The following HHLA1 variants were observed in gnomAD, a reference collection of about 807,000 sequenced individuals.
The protein encoded by HHLA1 is HERV-H LTR-associating protein 1.
HHLA1 carries 72 observed loss-of-function variants against 69.9 expected under a neutral mutation model. That is an observed-to-expected ratio of 1.03 (90% CI 0.85 to 1.25). HHLA1 has a LOEUF of 1.25. Among genes scored for constraint, HHLA1 ranks in the 50% most tolerant of loss-of-function variants. The pLI is 0.00. For missense variants in HHLA1, 685 were observed against 642.2 expected (o/e 1.07, Z -0.72); for synonymous variants, 252 against 233.2 (o/e 1.08, Z -0.73).
At chr8:132,092,194 C>T (rs1407127654) in intron 7 of HHLA1, among the ~76,000 whole-genome samples, 2 of 152,130 alleles carry the variant, frequency 1.3e-5, no homozygotes, top group Non-Finnish European at 2.9e-5. Context: ...TCGATTCTCC[C>T]ACCTTCCTTT....
chr8:132,089,243 A>T (rs766385782), intron 8 of HHLA1, among the ~76,000 whole-genome samples: 5 of 152,158 alleles, frequency 3.3e-5, no homozygotes, highest in Admixed American at 2.6e-4. Context: ...TACTCACCAG[A>T]TGTTTTCTTG....
chr8:132,075,087 T>C (rs1586725268), intron 14 of HHLA1, among the ~76,000 whole-genome samples: 1 of 152,370 alleles, frequency 6.6e-6, no homozygotes, highest in South Asian at 2.1e-4. Flanking sequence ...TGTGTTTCTT[T>C]AGAACTCCTG....
In HHLA1 at chr8:132,064,649, T is replaced by C. The variant is rs1393951845; in HGVS notation, c.1553-611A>G. 4.6e-5 allele frequency among the ~76,000 whole-genome samples: 7 copies of C among 151,854 alleles called. No homozygotes were observed. In the East Asian group the frequency reaches 1.3e-3, roughly 29 times the overall value. ...CTGTGTTTGGGAAAGAAAAAAATAATGGAGGCAGAAGGAAAGCAAAGTAAG... is the reference window on the plus strand; with the variant it reads ...CTGTGTTTGGGAAAGAAAAAAATAACGGAGGCAGAAGGAAAGCAAAGTAAG... On this transcript the variant is annotated intron_variant, in intron 16 of 16. Transcript: ENST00000414222.
Position 132,071,363 on chromosome 8 carries a change from C to T in HHLA1, c.1446G>A (p.Arg482=). 1.3e-6 allele frequency: 2 copies of T among 1,551,638 alleles called. No individual in the cohort carries two copies. Among genetic ancestry groups the T allele is most frequent in the South Asian group, 1.2e-5 (1 of 84,044 alleles). Residue 482 remains arginine (R), a synonymous_variant, in exon 15 of 17, where the codon AGG becomes AGA. Transcript: ENST00000414222. ...ACCTCATGTCCTCTGTCCTGGGACT[C>T]CTCTGGCTCATGCAGAGGCATTGCT... ...FFQQCLCMSQ[R]SPRTEDMRYC... is the part of the protein sequence containing the mutation.
chr8:132,094,419 C>A (rs1241742338), intron 7 of HHLA1, among the ~76,000 whole-genome samples: 1 of 152,188 alleles, frequency 6.6e-6, no homozygotes, highest in Admixed American at 6.5e-5. Context: ...AACACCCTCC[C>A]CACTTTGCCC....
intron 7 of HHLA1, among the ~76,000 whole-genome samples, chr8:132,092,650 T>C (rs192880478): frequency 6.6e-6 from 1 of 152,314 alleles, no homozygotes; most frequent in East Asian, 1.9e-4. Flanking sequence ...GCCATGATTG[T>C]AAGTTTCCTG....
Position 132,076,063 on chromosome 8 carries a change from T to G in HHLA1, c.1307A>C (p.Gln436Pro). Residue 436 changes from glutamine to proline, a missense_variant, in exon 14 of 17, where the codon CAA becomes CCA. Coordinates refer to ENST00000414222, the MANE Select transcript of HHLA1 (RefSeq NM_001145095.3). ...TGGGCACTGGTACTTACTTGAAACT[T>G]GATGGGGTCTTGGGACCAGGACTGG... Reference protein sequence around the residue: ...EEPVLVPRPHQVSRCPQPLFK... With the variant: ...EEPVLVPRPHPVSRCPQPLFK... 6.4e-7 allele frequency: 1 copy of G among 1,551,034 alleles called. No individual in the cohort carries two copies. The highest frequency in any genetic ancestry group is 1.2e-5 in the South Asian group (1 of 84,036).
chr8:132,077,610 G>T, intron 12 of HHLA1, 116 bp downstream of exon 12: 1 of 1,029,902 alleles, frequency 9.7e-7, no homozygotes, highest in Non-Finnish European at 1.4e-6. Flanking sequence ...TGATCATTAT[G>T]TTTTCTTAGT....
At chr8:132,108,947 TA>T (rs1824250870) in intron 1 of HHLA1, among the ~76,000 whole-genome samples, 1 of 152,214 alleles carries the variant, frequency 6.6e-6, no homozygotes, top group Admixed American at 6.5e-5. Context: ...TCGGTCACCT[TA>T]TTGTTAAAGT....
intron 10 of HHLA1, among the ~76,000 whole-genome samples, chr8:132,083,262 A>G (rs1268675843): frequency 2.0e-5 from 3 of 152,126 alleles, no homozygotes; most frequent in Admixed American, 1.3e-4. Flanking sequence ...TTAAAAGAGT[A>G]TTGTCTAAGT....
intron 15 of HHLA1, among the ~76,000 whole-genome samples, chr8:132,066,317 T>C (rs947387039): frequency 1.3e-5 from 2 of 152,352 alleles, no homozygotes; most frequent in South Asian, 2.1e-4. Flanking sequence ...AAGGATAAGA[T>C]AACATATGTA....
At chr8:132,094,742 C>G (rs941026192) in intron 7 of HHLA1, among the ~76,000 whole-genome samples, 13 of 152,164 alleles carry the variant, frequency 8.5e-5, no homozygotes, top group Admixed American at 7.2e-4. Flanking sequence ...CATTTATTTA[C>G]TCCCTGCTCC....
chr8:132,076,541 C>G lies in HHLA1; in HGVS notation c.1174G>C (p.Ala392Pro), dbSNP rs1482179968. ...GGAGTCTGTGTGCCATGGGTGAATG[C>G]TCCTGGGAGGAGATGAGAGAGAGGT... ...SPSQASPTLG[A>P]FTHGTQTPSP... Residue 392 changes from alanine (A) to proline (P), a missense_variant and splice_region_variant, in exon 13 of 17, where the codon GCA (alanine) becomes CCA (proline). Ala to Pro is a conservative substitution (Grantham distance 27, BLOSUM62 -1). Transcript: ENST00000414222. The G allele has an allele frequency of 2.6e-6, 4 of 1,525,294 alleles. No homozygotes were observed. Among genetic ancestry groups the G allele is most frequent in the Non-Finnish European group, 3.5e-6 (4 of 1,135,960 alleles). The allele number at this position is 1,525,294 out of a possible 1,614,324, so 94.5% of individuals were successfully genotyped here.
At chr8:132,108,011 G>A (rs1030803304) in intron 1 of HHLA1, among the ~76,000 whole-genome samples, 4 of 152,122 alleles carry the variant, frequency 2.6e-5, no homozygotes, top group Admixed American at 6.5e-5. Flanking sequence ...TCTTGAGTTG[G>A]CCATTGTGAT....
chr8:132,079,927 G>A lies in HHLA1; in HGVS notation c.716C>T (p.Thr239Ile), dbSNP rs1198599534. The change falls in exon 11 of 17, where the codon ACA becomes ATA. Residue 239 changes from threonine (T) to isoleucine (I), a missense_variant. Transcript: ENST00000414222. Reference protein sequence around the residue: ...TRGTARTSKPTTKSQKTLPST... With the variant: ...TRGTARTSKPITKSQKTLPST... ...TGGTAGTGTTTTCTGGCTTTTGGTT[G>A]TGGGCTTTGAAGTCCTGGCAGTTCC... 1.9e-6 allele frequency: 3 copies of A among 1,552,216 alleles called. No homozygotes were observed. The highest frequency in any genetic ancestry group is 2.6e-6 in the Non-Finnish European group (3 of 1,147,140).
intron 3 of HHLA1, among the ~76,000 whole-genome samples, chr8:132,103,905 C>T (rs1357336931): frequency 6.6e-6 from 1 of 152,208 alleles, no homozygotes; most frequent in Non-Finnish European, 1.5e-5. Flanking sequence ...TGGAATGTTA[C>T]AGTCTTTGTG....
At chr8:132,070,183 G>A (rs1823509891) in intron 15 of HHLA1, 3 of 603,182 alleles carry the variant, frequency 5.0e-6, no homozygotes, top group Non-Finnish European at 8.9e-6. Context: ...GGCCACTGGA[G>A]CAGGAGTATT....
chr8:132,098,889 C>A lies in HHLA1; in HGVS notation c.273G>T (p.Ala91=). ...TELVNGMLSR[A]LKDSKKFFSL... ...CTTTTAAAATATGATTACCTTTTAA[C>A]GCTCTACTGAGCATCCCATTCACAA... Residue 91 remains alanine, a synonymous_variant, in exon 5 of 17, where the codon GCG becomes GCT. Coordinates refer to ENST00000414222, the MANE Select transcript of HHLA1 (RefSeq NM_001145095.3). The A allele has an allele frequency of 6.5e-7, 1 of 1,546,394 alleles. No individual in the cohort carries two copies. The highest frequency in any genetic ancestry group is 1.2e-5 in the South Asian group (1 of 83,900).
chr8:132,077,626 G>T (rs147088060), intron 12 of HHLA1, 100 bp downstream of exon 12: 2 of 1,167,202 alleles, frequency 1.7e-6, no homozygotes, highest in South Asian at 1.6e-5. Context: ...TTAGTTTTCT[G>T]TGTGTGTATT....
Sources: allele counts gnomAD v4.1 joint callset (sites outside exome capture counted in the v4.1 genomes callset), GRCh38; gene constraint gnomAD v4.1.1; transcripts MANE v1.5; gene names NCBI Gene and HGNC (gene_info 2026-07-23, HGNC 2026-07-21).